The following PAPPA2 variants were observed in gnomAD, a reference collection of about 807,000 sequenced individuals.
The protein encoded by PAPPA2 is pappalysin-2.
A neutral mutation model predicts 176.4 loss-of-function variants in PAPPA2; 86 were observed. The observed-to-expected ratio is 0.49, with a 90% CI of 0.41 to 0.58. PAPPA2 has a LOEUF of 0.58. PAPPA2 is among the 20% of genes least tolerant of loss of function. The probability of loss-of-function intolerance (pLI) is 0.00; values close to 1 mark genes in which losing one functional copy is unlikely to be tolerated. For missense variants in PAPPA2, 2,073 were observed against 2,256.9 expected, an observed-to-expected ratio of 0.92 and a Z score of 1.65; for synonymous variants, 809 against 852.2, an observed-to-expected ratio of 0.95 and a Z score of 0.88.
intron 1 of PAPPA2, among the ~76,000 whole-genome samples, chr1:176,468,933 G>A (rs1651753229): frequency 6.6e-6 from 1 of 152,158 alleles, no homozygotes. Context: ...CAATTCAAAT[G>A]CATCATTTCA....
intron 22 of PAPPA2, 98 bp from the exon 23 acceptor site, chr1:176,842,282 C>A: frequency 9.2e-7 from 1 of 1,086,622 alleles, no homozygotes; most frequent in Non-Finnish European, 1.4e-6. Context: ...CATAATTCTA[C>A]AGTTCCTCTG....
rs534750261 is a variant in PAPPA2, at chr1:176,635,271, T to G, written c.1992-35699T>G. The stretch of plus-strand genomic sequence containing the variant: ...AATCAAATGTTTTCAGATACAATAT[T>G]TACTGTTAACAGTGTTTGATGTGGG... On this transcript the variant is annotated intron_variant, in intron 3 of 22. Transcript: ENST00000367662. Among the ~76,000 whole-genome samples, 14 of 152,320 alleles carry G rather than the reference T, an allele frequency of 9.2e-5. No individual in the cohort carries two copies. In the South Asian group the frequency reaches 1.9e-3, roughly 20 times the overall value.
At chr1:176,667,777 T>C (rs192397219) in intron 3 of PAPPA2, among the ~76,000 whole-genome samples, 6 of 152,280 alleles carry the variant, frequency 3.9e-5, no homozygotes, top group Non-Finnish European at 8.8e-5. Context: ...AGCAGACAGC[T>C]CAAGATCTTT....
At chr1:176,645,471 A>G (rs977379717) in intron 3 of PAPPA2, among the ~76,000 whole-genome samples, 21 of 151,744 alleles carry the variant, frequency 1.4e-4, no homozygotes, top group African/African-American at 4.6e-4. Context: ...TGTATACCAC[A>G]TTTTCTTATC....
rs192279138 is a variant in PAPPA2 at position 176,672,846 on chromosome 1, G to C, written c.2137+1731G>C. The stretch of plus-strand genomic sequence containing the variant: ...CCTGCAGTCCTTTTATCACTAAACT[G>C]TATTTTTAGTTCTCAGTACATGAGA... On this transcript the variant is annotated intron_variant, in intron 4 of 22. Transcript: ENST00000367662. 4.6e-5 allele frequency among the ~76,000 whole-genome samples: 7 copies of C among 152,206 alleles called. No homozygotes were observed. The East Asian group carries it at 1.4e-3, about 29-fold the overall frequency.
At chr1:176,834,689 G>T (rs938797633) in intron 21 of PAPPA2, among the ~76,000 whole-genome samples, 1 of 152,204 alleles carries the variant, frequency 6.6e-6, no homozygotes, top group Non-Finnish European at 1.5e-5. Context: ...GAAGTTGTGG[G>T]CTGGGTGTGG....
At chr1:176,564,469 G>A (rs1032373628) in intron 2 of PAPPA2, among the ~76,000 whole-genome samples, 5 of 152,184 alleles carry the variant, frequency 3.3e-5, no homozygotes, top group Non-Finnish European at 7.3e-5. Context: ...CACAAAAAGA[G>A]GTGGCAGGCT....
intron 5 of PAPPA2, chr1:176,691,167 A>C (rs1416052038): frequency 1.0e-6 from 1 of 983,268 alleles, no homozygotes; most frequent in Non-Finnish European, 1.2e-6. Flanking sequence ...AATGGACTCA[A>C]AGTTATCCCT....
At position 176,832,649 on chromosome 1, in the gene PAPPA2, G is replaced by A. The variant is rs535103837; in HGVS notation, c.5203-7524G>A. 2.6e-5 allele frequency among the ~76,000 whole-genome samples: 4 copies of A among 152,248 alleles called. No individual in the cohort carries two copies. In the East Asian group the frequency reaches 5.8e-4, roughly 22 times the overall value. ...ATTACAGGCGTGAGTCACTGCACCCGGCCATATTCTGTGCTTTTAATCACC... is the reference window on the plus strand; with the variant it reads ...ATTACAGGCGTGAGTCACTGCACCCAGCCATATTCTGTGCTTTTAATCACC... On this transcript the variant is annotated intron_variant, in intron 21 of 22. Coordinates refer to ENST00000367662, the MANE Select transcript of PAPPA2 (RefSeq NM_020318.3).
At chr1:176,753,375 AC>A (rs1663269046) in intron 14 of PAPPA2, among the ~76,000 whole-genome samples, 1 of 152,080 alleles carries the variant, frequency 6.6e-6, no homozygotes, top group South Asian at 2.1e-4. Context: ...CTGCTGCTTT[AC>A]GGATTCCTAT....
At chr1:176,800,557 A>G (rs1308744439) in intron 21 of PAPPA2, among the ~76,000 whole-genome samples, 1 of 152,222 alleles carries the variant, frequency 6.6e-6, no homozygotes, top group Non-Finnish European at 1.5e-5. Context: ...CATAAAATTC[A>G]TATGTGCATA....
At chr1:176,675,242 G>A (rs1461133915) in intron 4 of PAPPA2, among the ~76,000 whole-genome samples, 1 of 152,008 alleles carries the variant, frequency 6.6e-6, no homozygotes, top group Non-Finnish European at 1.5e-5. Flanking sequence ...ATAATCAAAA[G>A]CCTCTATGAT....
At chr1:176,641,317 T>G (rs1657074189) in intron 3 of PAPPA2, among the ~76,000 whole-genome samples, 1 of 152,072 alleles carries the variant, frequency 6.6e-6, no homozygotes. Context: ...GTTTTTATGG[T>G]TTTAGGTCTA....
At chr1:176,647,108 C>G (rs1657440182) in intron 3 of PAPPA2, among the ~76,000 whole-genome samples, 1 of 151,448 alleles carries the variant, frequency 6.6e-6, no homozygotes, top group African/African-American at 2.4e-5. Flanking sequence ...GCCATTTTAA[C>G]TAGGGTGAAA....
At chr1:176,722,532 T>C (rs926126344) in intron 12 of PAPPA2, among the ~76,000 whole-genome samples, 1 of 151,880 alleles carries the variant, frequency 6.6e-6, no homozygotes, top group African/African-American at 2.4e-5. Flanking sequence ...GAAGTACAAT[T>C]TCTATTTCAT....
chr1:176,702,195 G>A (rs1172524106), intron 8 of PAPPA2, among the ~76,000 whole-genome samples: 1 of 152,162 alleles, frequency 6.6e-6, no homozygotes, highest in Non-Finnish European at 1.5e-5. Flanking sequence ...CCAAGAAGGG[G>A]GACTTCCTGA....
chr1:176,824,234 G>A (rs1261050553), intron 21 of PAPPA2, among the ~76,000 whole-genome samples: 1 of 152,196 alleles, frequency 6.6e-6, no homozygotes, highest in East Asian at 1.9e-4. Flanking sequence ...TGCCTGCATA[G>A]TTGGAGGTGT....
intron 1 of PAPPA2, among the ~76,000 whole-genome samples, chr1:176,554,183 T>C (rs1450367379): frequency 6.6e-6 from 1 of 152,072 alleles, no homozygotes. Flanking sequence ...TGCAAACAAG[T>C]CAGTTCTTAG....
chr1:176,666,133 C>T (rs935641246), intron 3 of PAPPA2, among the ~76,000 whole-genome samples: 1 of 152,104 alleles, frequency 6.6e-6, no homozygotes, highest in African/African-American at 2.4e-5. Context: ...AAGAGGAACT[C>T]ACAATGGAGA....
Sources: allele counts gnomAD v4.1 joint callset (sites outside exome capture counted in the v4.1 genomes callset), GRCh38; gene constraint gnomAD v4.1.1; transcripts MANE v1.5; gene names NCBI Gene and HGNC (gene_info 2026-07-23, HGNC 2026-07-21).